CILK1: variants seen among roughly 807,000 people sequenced by gnomAD.
CILK1 encodes the protein ciliogenesis associated kinase 1.
CILK1 carries 47 observed loss-of-function variants against 79.2 expected under a neutral mutation model. The ratio of observed to expected loss-of-function variants is 0.59; its 90% CI spans 0.47 to 0.76. CILK1 has a LOEUF of 0.76. Ranked by LOEUF, CILK1 falls within the 30% of genes least tolerant of loss-of-function variation. The pLI is 0.00. For synonymous variants in CILK1, 266 were observed against 275.9 expected, an observed-to-expected ratio of 0.96 and a Z score of 0.36; for missense variants, 660 against 769.5, an observed-to-expected ratio of 0.86 and a Z score of 1.68.
At chr6:53,053,155 C>T (rs770014145) in intron 1 of CILK1, among the ~76,000 whole-genome samples, 1 of 152,028 alleles carries the variant, frequency 6.6e-6, no homozygotes, top group South Asian at 2.1e-4. Context: ...AAGCACACAC[C>T]CAGCTTCCTT....
At chr6:53,009,231 C>A (rs1041314599) in intron 12 of CILK1, among the ~76,000 whole-genome samples, 5 of 152,212 alleles carry the variant, frequency 3.3e-5, no homozygotes, top group Non-Finnish European at 7.3e-5. Context: ...CCCAGCTACC[C>A]TGGAAGGCAG....
At chr6:53,028,888 A>G (rs1455923063) in intron 5 of CILK1, among the ~76,000 whole-genome samples, 1 of 151,894 alleles carries the variant, frequency 6.6e-6, no homozygotes, top group African/African-American at 2.4e-5. Context: ...GGGTATGTGT[A>G]CATGTAGATG....
Position 53,004,920 on chromosome 6 carries a change from C to T in CILK1, c.*229G>A, listed in dbSNP as rs1168892796. ...GCTGTTGTTTAAGAAAATAATGGGACCCAGTTTTAGAATAAAATAATTTTA... is the reference window on the plus strand; with the variant it reads ...GCTGTTGTTTAAGAAAATAATGGGATCCAGTTTTAGAATAAAATAATTTTA... On this transcript the variant is annotated 3_prime_UTR_variant, in exon 14 of 14. Coordinates refer to ENST00000676107, the MANE Select transcript of CILK1 (RefSeq NM_014920.5). 8.9e-6 allele frequency: 4 copies of T among 448,738 alleles called. No individual in the cohort carries two copies. Among genetic ancestry groups the T allele is most frequent in the Non-Finnish European group, 1.6e-5 (4 of 253,148 alleles). The allele number at this position is 448,738 out of a possible 1,614,324, so 27.8% of individuals were successfully genotyped here.
chr6:53,052,821 T>C (rs922443447), intron 1 of CILK1, among the ~76,000 whole-genome samples: 9 of 152,026 alleles, frequency 5.9e-5, no homozygotes, highest in Non-Finnish European at 1.3e-4. Flanking sequence ...TCTAACCACC[T>C]GGGGTCCTTA....
intron 3 of CILK1, among the ~76,000 whole-genome samples, chr6:53,034,096 C>T (rs1018006890): frequency 6.6e-6 from 1 of 152,224 alleles, no homozygotes; most frequent in Admixed American, 6.5e-5. Flanking sequence ...TCACAGCTAT[C>T]TTTTATGCCT....
chr6:53,018,256 C>T (rs1416322960), intron 7 of CILK1, 74 bp downstream of exon 7: 96 of 1,429,490 alleles, frequency 6.7e-5, no homozygotes, highest in Non-Finnish European at 9.4e-5. Flanking sequence ...CATGCCAGTG[C>T]TGAACAGGGC....
chr6:53,042,808 C>T (rs1300831224), intron 1 of CILK1, among the ~76,000 whole-genome samples: 1 of 152,036 alleles, frequency 6.6e-6, no homozygotes, highest in Non-Finnish European at 1.5e-5. Context: ...TTCACAGGAC[C>T]CTGGAATAGA....
intron 3 of CILK1, among the ~76,000 whole-genome samples, chr6:53,035,169 G>A (rs1022789881): frequency 3.9e-5 from 6 of 152,116 alleles, no homozygotes; most frequent in Non-Finnish European, 5.9e-5. Flanking sequence ...AGTAAATGGC[G>A]TGTGGGAAAG....
chr6:53,055,861 T>TA (rs1023330368), intron 1 of CILK1, among the ~76,000 whole-genome samples: 12 of 151,784 alleles, frequency 7.9e-5, no homozygotes, highest in South Asian at 2.1e-4. Flanking sequence ...GGCGAAATGT[T>TA]AAAAAAAATA....
chr6:53,037,996 A>G lies in CILK1; in HGVS notation c.102-3T>C. The G allele has an allele frequency of 1.3e-6, 2 of 1,591,090 alleles. No homozygotes were observed. The highest frequency in any genetic ancestry group is 1.3e-5 in the African/African-American group (1 of 74,558). Reference sequence around the variant, plus strand: ...AGGAATAAAATTTTCTTTTCATTCTAGAAGAGAAGAAAGAAACAAACAGCA... The same window carrying G: ...AGGAATAAAATTTTCTTTTCATTCTGGAAGAGAAGAAAGAAACAAACAGCA... On this transcript the variant is annotated splice_region_variant and splice_polypyrimidine_tract_variant and intron_variant, in intron 2 of 13. Transcript: ENST00000676107.
At chr6:53,036,739 T>C (rs75962072) in intron 3 of CILK1, among the ~76,000 whole-genome samples, 1,840 of 152,248 alleles carry the variant, frequency 0.012, 37 homozygotes, top group African/African-American at 0.041. Context: ...AAAGAATACT[T>C]TTATAAATGA....
chr6:53,051,792 CT>C (rs1767495147), intron 1 of CILK1, among the ~76,000 whole-genome samples: 1 of 152,184 alleles, frequency 6.6e-6, no homozygotes, highest in African/African-American at 2.4e-5. Flanking sequence ...ATCCCAAAGA[CT>C]TATACAATCA....
At position 53,005,006 on chromosome 6, in the gene CILK1, T is replaced by C; in HGVS notation, c.*143A>G. ...AAAAAAAAACTTTAAAAAAGAATAT[T>C]GACATGTCTTAGTTCAGAAGAATAA... On this transcript the variant is annotated 3_prime_UTR_variant, in exon 14 of 14. Transcript: ENST00000676107. 1.1e-6 allele frequency: 1 copy of C among 899,254 alleles called. No homozygotes were observed. Among genetic ancestry groups the C allele is most frequent in the South Asian group, 1.6e-5 (1 of 64,054 alleles). 55.7% of individuals were successfully genotyped at this position (899,254 alleles called of 1,614,324 possible).
At chr6:53,049,870 A>C (rs1421113750) in intron 1 of CILK1, among the ~76,000 whole-genome samples, 7 of 151,944 alleles carry the variant, frequency 4.6e-5, no homozygotes, top group African/African-American at 1.7e-4. Flanking sequence ...ATAGGCATGC[A>C]CCACCAGGCC....
intron 1 of CILK1, among the ~76,000 whole-genome samples, chr6:53,050,513 ATG>A (rs1767408710): frequency 6.6e-6 from 1 of 151,266 alleles, no homozygotes; most frequent in South Asian, 2.1e-4. Context: ...ATATGTAAAT[ATG>A]TGACATATTT....
At position 53,043,692 on chromosome 6, in the gene CILK1, T is replaced by C. The variant is rs992035438; in HGVS notation, c.-172-2284A>G. On this transcript the variant is annotated intron_variant, in intron 1 of 13. Coordinates refer to ENST00000676107, the MANE Select transcript of CILK1 (RefSeq NM_014920.5). ...ATCCTATCTTTAAGCTCTGAGGATA[T>C]AGAGACCAATAAAATATGGTCCCTT... is the stretch of plus-strand genomic sequence containing the variant. Among the ~76,000 whole-genome samples the C allele has an allele frequency of 3.3e-5, 5 of 152,082 alleles. No individual in the cohort carries two copies. In the East Asian group the frequency reaches 9.6e-4, roughly 29 times the overall value.
At chr6:53,017,665 G>A (rs1028614824) in intron 7 of CILK1, among the ~76,000 whole-genome samples, 1 of 152,230 alleles carries the variant, frequency 6.6e-6, no homozygotes, top group Non-Finnish European at 1.5e-5. Context: ...AGATGGGGAA[G>A]ATGACATTAG....
chr6:53,027,861 C>T lies in CILK1; in HGVS notation c.358+3204G>A, dbSNP rs560064915. Among the ~76,000 whole-genome samples, 37 of 152,092 alleles carry T rather than the reference C, an allele frequency of 2.4e-4. No individual in the cohort carries two copies. The South Asian group carries it at 6.9e-3, about 28-fold the overall frequency. ...TCTCTACTAAAAACACAAAAATTAG[C>T]CGGGCGCCGGGCACAGTGGCTCATG... On this transcript the variant is annotated intron_variant, in intron 5 of 13. Coordinates refer to ENST00000676107, the MANE Select transcript of CILK1 (RefSeq NM_014920.5).
rs773410362 is a variant in CILK1 at position 53,011,845 on chromosome 6, T to C, written c.1416A>G (p.Ser472=). ...GTGNSAPTQT[S]YQRRDTPTLR... ...GGGTGGGCGTGTCTCGCCGCTGATA[T>C]GACGTCTGGGTGGGGGCACTGTTTC... The change falls in exon 11 of 14, where the codon TCA becomes TCG. Residue 472 remains serine (S), a synonymous_variant. Coordinates refer to ENST00000676107, the MANE Select transcript of CILK1 (RefSeq NM_014920.5). The C allele has an allele frequency of 1.2e-6, 2 of 1,614,090 alleles. No individual in the cohort carries two copies. Among genetic ancestry groups the C allele is most frequent in the Admixed American group, 1.7e-5 (1 of 60,008 alleles).
Sources: allele counts gnomAD v4.1 joint callset (sites outside exome capture counted in the v4.1 genomes callset), GRCh38; gene constraint gnomAD v4.1.1; transcripts MANE v1.5; gene names NCBI Gene and HGNC (gene_info 2026-07-23, HGNC 2026-07-21).